SLC22A3: variants seen among roughly 807,000 people sequenced by gnomAD.
The protein encoded by SLC22A3 is EMT organic cation transporter 3.
SLC22A3 carries 51 observed loss-of-function variants against 59.1 expected under a neutral mutation model. That is an observed-to-expected ratio of 0.86 (90% CI 0.69 to 1.09). The LOEUF (loss-of-function observed/expected upper bound fraction) is 1.09, where lower values mean the gene tolerates loss of function less well. Among genes scored for constraint, SLC22A3 ranks in the 50% least tolerant of loss-of-function variants. The pLI is 0.00. For synonymous variants in SLC22A3, 325 were observed against 292.0 expected (o/e 1.11, Z -1.15); for missense variants, 711 against 726.3 (o/e 0.98, Z 0.24).
At chr6:160,385,687 G>A (rs553309387) in intron 1 of SLC22A3, among the ~76,000 whole-genome samples, 7 of 152,290 alleles carry the variant, frequency 4.6e-5, no homozygotes, top group Admixed American at 3.3e-4. Flanking sequence ...TCCAGCCGAC[G>A]CAGGAGCTGT....
intron 8 of SLC22A3, among the ~76,000 whole-genome samples, chr6:160,443,314 G>A (rs1401167995): frequency 6.6e-6 from 1 of 152,188 alleles, no homozygotes; most frequent in Non-Finnish European, 1.5e-5. Context: ...CCTCTGCTGA[G>A]GAAGCATTCC....
At chr6:160,430,354 C>CT (rs979811264) in intron 5 of SLC22A3, among the ~76,000 whole-genome samples, 2 of 152,066 alleles carry the variant, frequency 1.3e-5, no homozygotes, top group Admixed American at 6.5e-5. Flanking sequence ...CCCTGACTGT[C>CT]TTTTTTCTGA....
chr6:160,387,163 G>C (rs1370082931), intron 1 of SLC22A3, among the ~76,000 whole-genome samples: 1 of 152,184 alleles, frequency 6.6e-6, no homozygotes, highest in Non-Finnish European at 1.5e-5. Context: ...AAGTTGCCGA[G>C]GCCAGGGGCA....
At chr6:160,407,448 C>T (rs185338395) in intron 3 of SLC22A3, among the ~76,000 whole-genome samples, 68 of 152,274 alleles carry the variant, frequency 4.5e-4, no homozygotes, top group Non-Finnish European at 2.4e-4. Flanking sequence ...CTTTTATGTA[C>T]TTCTACACTG....
At chr6:160,382,876 G>A (rs1045286480) in intron 1 of SLC22A3, among the ~76,000 whole-genome samples, 1 of 152,196 alleles carries the variant, frequency 6.6e-6, no homozygotes, top group African/African-American at 2.4e-5. Flanking sequence ...GGAAATTCCA[G>A]AGCTGAACAA....
rs1372796177 is a variant in SLC22A3, at chr6:160,366,130, T to G, written c.429+17282T>G. Among the ~76,000 whole-genome samples, 3 of 152,120 alleles carry G rather than the reference T, an allele frequency of 2.0e-5. No homozygotes were observed. The East Asian group carries it at 5.8e-4, about 29-fold the overall frequency. ...CCCTCCCAAATCTCATGTCCTCCCA[T>G]CTCAAAACACAATCATGCCTTCCCA... On this transcript the variant is annotated intron_variant, in intron 1 of 10. Coordinates refer to ENST00000275300, the MANE Select transcript of SLC22A3 (RefSeq NM_021977.4).
chr6:160,353,976 G>A (rs190059504), intron 1 of SLC22A3, among the ~76,000 whole-genome samples: 4 of 152,106 alleles, frequency 2.6e-5, no homozygotes, highest in African/African-American at 9.7e-5. Context: ...TTTTCAGAGA[G>A]CTTTGAGCTC....
At chr6:160,446,298 G>A (rs1788742504) in intron 9 of SLC22A3, among the ~76,000 whole-genome samples, 1 of 152,198 alleles carries the variant, frequency 6.6e-6, no homozygotes. Flanking sequence ...TCCTATGCTG[G>A]TGCTGGCACC....
chr6:160,386,400 C>A (rs884742), intron 1 of SLC22A3, among the ~76,000 whole-genome samples: 70,709 of 152,160 alleles, frequency 0.46, 16,735 homozygotes, highest in East Asian at 0.56. Context: ...AAGTGCAGTT[C>A]TTGGTTTTTA....
At chr6:160,364,235 T>G (rs776333164) in intron 1 of SLC22A3, among the ~76,000 whole-genome samples, 11 of 152,210 alleles carry the variant, frequency 7.2e-5, no homozygotes, top group Non-Finnish European at 1.3e-4. Flanking sequence ...TTCAACCATA[T>G]TTGTACACTC....
intron 2 of SLC22A3, among the ~76,000 whole-genome samples, chr6:160,404,064 C>T (rs915041161): frequency 3.3e-5 from 5 of 151,748 alleles, no homozygotes; most frequent in African/African-American, 7.3e-5. Context: ...TAGAAGCCCT[C>T]GCTAATACAA....
At chr6:160,444,847 TTGAC>T (rs1788683708) in intron 9 of SLC22A3, among the ~76,000 whole-genome samples, 1 of 152,242 alleles carries the variant, frequency 6.6e-6, no homozygotes, top group Non-Finnish European at 1.5e-5. Flanking sequence ...CAAAAGTCCT[TTGAC>T]AGTGTGAGGG....
intron 7 of SLC22A3, among the ~76,000 whole-genome samples, chr6:160,442,234 C>T (rs973958065): frequency 6.6e-6 from 1 of 152,128 alleles, no homozygotes; most frequent in African/African-American, 2.4e-5. Flanking sequence ...ATAGATGTCC[C>T]CTTCCAAAGA....
intron 1 of SLC22A3, among the ~76,000 whole-genome samples, chr6:160,384,880 G>T (rs1033646499): frequency 1.3e-5 from 2 of 152,152 alleles, no homozygotes; most frequent in Admixed American, 6.5e-5. Context: ...AGCAGGCTCC[G>T]CACAGTGGGC....
At chr6:160,419,975 A>G (rs1330092251) in intron 5 of SLC22A3, among the ~76,000 whole-genome samples, 1 of 152,204 alleles carries the variant, frequency 6.6e-6, no homozygotes, top group African/African-American at 2.4e-5. Flanking sequence ...AAACAAGACT[A>G]TATCGCATAA....
intron 5 of SLC22A3, among the ~76,000 whole-genome samples, chr6:160,422,200 T>G (rs1266780404): frequency 6.6e-6 from 1 of 152,210 alleles, no homozygotes; most frequent in African/African-American, 2.4e-5. Flanking sequence ...GAAATTCATT[T>G]AAATTCCACA....
Position 160,348,644 on chromosome 6 carries a change from G to T in SLC22A3, c.225G>T (p.Ala75=), listed in dbSNP as rs948336978. 8.7e-6 allele frequency: 13 copies of T among 1,502,660 alleles called. No individual in the cohort carries two copies. The highest frequency in any genetic ancestry group is 2.9e-5 in the African/African-American group (2 of 68,730). 93.1% of individuals were successfully genotyped at this position (1,502,660 alleles called of 1,614,324 possible). The change falls in exon 1 of 11, where the codon GCG becomes GCT. Residue 75 remains alanine, a synonymous_variant. Coordinates refer to ENST00000275300, the MANE Select transcript of SLC22A3 (RefSeq NM_021977.4). ...CGGAGGAGGAGTGGAACCGCACGGC[G>T]CCCGCCTCCCGCGGCCCAGAGCCCC... ...WSPEEEWNRT[A]PASRGPEPPE... is the part of the protein sequence containing the mutation.
rs138084567 is a variant in SLC22A3 at position 160,421,660 on chromosome 6, A to T, written c.975+10814A>T. On this transcript the variant is annotated intron_variant, in intron 5 of 10. Coordinates refer to ENST00000275300, the MANE Select transcript of SLC22A3 (RefSeq NM_021977.4). ...CTCATCAGCCACACGGGCTTGTTTT[A>T]TTCCATTAATATTGGTTGTTCTCTT... Among the ~76,000 whole-genome samples the T allele has an allele frequency of 1.1e-3, 168 of 152,332 alleles. 1 individual carries two copies. The highest frequency in any genetic ancestry group is 1.2e-3 in the Non-Finnish European group (79 of 68,016).
At chr6:160,390,972 G>A (rs1234164858) in intron 1 of SLC22A3, among the ~76,000 whole-genome samples, 2 of 152,124 alleles carry the variant, frequency 1.3e-5, no homozygotes, top group African/African-American at 2.4e-5. Flanking sequence ...CTCTTTGGCT[G>A]GTAGATGCAT....
Sources: allele counts gnomAD v4.1 joint callset (sites outside exome capture counted in the v4.1 genomes callset), GRCh38; gene constraint gnomAD v4.1.1; transcripts MANE v1.5; gene names NCBI Gene and HGNC (gene_info 2026-07-23, HGNC 2026-07-21).